The following DACH1 variants were observed in gnomAD, a reference collection of about 807,000 sequenced individuals.
DACH1 encodes dachshund family transcription factor 1, also known as dachshund homolog 1.
Under a neutral mutation model 54.2 loss-of-function variants are expected in DACH1, and 12 were observed. The ratio of observed to expected loss-of-function variants is 0.22; its 90% CI spans 0.14 to 0.36. The LOEUF is 0.36. Ranked by LOEUF, DACH1 falls within the 10% of genes least tolerant of loss-of-function variation. The pLI is 1.00. For missense variants in DACH1, 805 were observed against 929.8 expected (o/e 0.87, Z 1.75); for synonymous variants, 386 against 366.2 (o/e 1.05, Z -0.62).
At chr13:71,541,927 T>TG in intron 6 of DACH1, among the ~76,000 whole-genome samples, 1 of 95,604 alleles carries the variant, frequency 1.0e-5, no homozygotes, top group East Asian at 2.2e-4. Context: ...TTTGCCCAGT[T>TG]TTTTTTTTTT....
chr13:71,705,137 A>G lies in DACH1; in HGVS notation c.849-23227T>C, dbSNP rs1594117418. 3.9e-5 allele frequency among the ~76,000 whole-genome samples: 6 copies of G among 152,304 alleles called. 1 individual carries two copies. In the Middle Eastern group the frequency reaches 0.02, roughly 518 times the overall value. Reference sequence around the variant, plus strand: ...TTGTGTTTGGAGATAATGCTGTTCAAGATATAAGGTGTAGGACAGGACCAA... The same window carrying G: ...TTGTGTTTGGAGATAATGCTGTTCAGGATATAAGGTGTAGGACAGGACCAA... On this transcript the variant is annotated intron_variant, in intron 1 of 10. Transcript: ENST00000613252.
chr13:71,866,932 G>T lies in DACH1; in HGVS notation c.-163C>A. ...AAGGGAGAGAAGGGGGAGAAAAGGA[G>T]GTGAAGGTAATAAAGAGCGAGCGCA... On this transcript the variant is annotated 5_prime_UTR_variant, in exon 1 of 11. Transcript: ENST00000613252. 1 of 547,330 alleles carries T rather than the reference G, an allele frequency of 1.8e-6. No individual in the cohort carries two copies. The allele number at this position is 547,330 out of a possible 1,614,324, so 33.9% of individuals were successfully genotyped here. A position where few individuals can be genotyped will look rare whatever the true frequency, so the allele number is the denominator to read the frequency against.
intron 2 of DACH1, among the ~76,000 whole-genome samples, chr13:71,679,821 A>G (rs1355459015): frequency 6.6e-6 from 1 of 152,016 alleles, no homozygotes; most frequent in Admixed American, 6.5e-5. Flanking sequence ...CGTCTCTACT[A>G]AAATACAAAA....
intron 3 of DACH1, among the ~76,000 whole-genome samples, chr13:71,597,128 T>C (rs1476991154): frequency 6.6e-6 from 1 of 152,200 alleles, no homozygotes; most frequent in Non-Finnish European, 1.5e-5. Flanking sequence ...TAAGCTATGA[T>C]TTTTGTGATG....
At chr13:71,762,442 G>T (rs1885437770) in intron 1 of DACH1, among the ~76,000 whole-genome samples, 1 of 152,092 alleles carries the variant, frequency 6.6e-6, no homozygotes, top group Admixed American at 6.5e-5. Context: ...TGATGAATAT[G>T]ATGTAATAAA....
chr13:71,821,385 C>T (rs1054237914), intron 1 of DACH1, among the ~76,000 whole-genome samples: 6 of 102,622 alleles, frequency 5.8e-5, no homozygotes, highest in Non-Finnish European at 1.2e-4. Flanking sequence ...GTGGAGTGCA[C>T]GATCCTGAGG....
intron 3 of DACH1, among the ~76,000 whole-genome samples, chr13:71,594,943 A>C (rs898639491): frequency 2.0e-5 from 3 of 152,196 alleles, no homozygotes; most frequent in Admixed American, 2.0e-4. Flanking sequence ...TACTAGTTAA[A>C]ATACATGGCA....
chr13:71,651,673 T>C (rs530906322), intron 2 of DACH1, among the ~76,000 whole-genome samples: 193 of 136,850 alleles, frequency 1.4e-3, no homozygotes, highest in African/African-American at 5.8e-3. Flanking sequence ...TGTATCTGTA[T>C]CTGTATCTGT....
chr13:71,615,410 T>A (rs555847067), intron 3 of DACH1, among the ~76,000 whole-genome samples: 1 of 152,326 alleles, frequency 6.6e-6, no homozygotes, highest in African/African-American at 2.4e-5. Flanking sequence ...GTGCACTGAA[T>A]AAAGTAATGT....
intron 1 of DACH1, among the ~76,000 whole-genome samples, chr13:71,831,647 C>G (rs1888595108): frequency 6.6e-6 from 1 of 151,926 alleles, no homozygotes; most frequent in Non-Finnish European, 1.5e-5. Flanking sequence ...TTTTCTACCA[C>G]CATGCTACAT....
intron 1 of DACH1, among the ~76,000 whole-genome samples, chr13:71,807,194 T>C (rs1026664500): frequency 6.6e-6 from 1 of 152,286 alleles, no homozygotes; most frequent in Middle Eastern, 3.4e-3. Context: ...TATTAACAAC[T>C]GTCTATTAAA....
chr13:71,738,731 C>CAAAAAAAAAAAAA (rs34856567), intron 1 of DACH1, among the ~76,000 whole-genome samples: 5 of 24,070 alleles, frequency 2.1e-4, no homozygotes, highest in East Asian at 6.4e-4. Context: ...GACTCTGTCT[C>CAAAAAAAAAAAAA]AAAAAAAAAA....
chr13:71,634,806 G>C (rs1877353479), intron 2 of DACH1, among the ~76,000 whole-genome samples: 1 of 152,170 alleles, frequency 6.6e-6, no homozygotes, highest in South Asian at 2.1e-4. Flanking sequence ...AAATAGCTCA[G>C]CCCTAGCATC....
chr13:71,709,248 T>C (rs561667141), intron 1 of DACH1, among the ~76,000 whole-genome samples: 143 of 152,270 alleles, frequency 9.4e-4, no homozygotes, highest in Middle Eastern at 3.4e-3. Flanking sequence ...TATAAAATTT[T>C]CCCTTGATTA....
chr13:71,505,317 A>G (rs575369347), intron 6 of DACH1, among the ~76,000 whole-genome samples: 229 of 152,248 alleles, frequency 1.5e-3, no homozygotes, highest in Admixed American at 2.7e-3. Flanking sequence ...TCCTGGCCTC[A>G]TGATCCACCC....
chr13:71,494,773 G>GA (rs1271969467), intron 6 of DACH1, among the ~76,000 whole-genome samples: 14 of 151,760 alleles, frequency 9.2e-5, no homozygotes, highest in Admixed American at 5.3e-4. Context: ...CAGTCAATTA[G>GA]AATAATAGAA....
chr13:71,768,594 G>A (rs1176210035), intron 1 of DACH1, among the ~76,000 whole-genome samples: 1 of 151,924 alleles, frequency 6.6e-6, no homozygotes, highest in Non-Finnish European at 1.5e-5. Context: ...TGAGCACACT[G>A]TGAGCTTCAT....
chr13:71,783,204 AAGATAGCTGTATT>A (rs1240255014), intron 1 of DACH1, among the ~76,000 whole-genome samples: 1 of 152,204 alleles, frequency 6.6e-6, no homozygotes, highest in African/African-American at 2.4e-5. Context: ...TCAAAACCTA[AAGATAGCTGTATT>A]AGATCCATAG....
At chr13:71,646,665 TA>T (rs35798063) in intron 2 of DACH1, among the ~76,000 whole-genome samples, 1 of 152,186 alleles carries the variant, frequency 6.6e-6, no homozygotes, top group African/African-American at 2.4e-5. Flanking sequence ...TAAATATATC[TA>T]AAAAGTAATT....
Sources: gnomAD v4.1 joint callset for allele counts (sites outside exome capture counted in the v4.1 genomes callset) on GRCh38, gnomAD v4.1.1 for gene constraint, MANE v1.5 for transcripts, NCBI Gene and HGNC (gene_info 2026-07-23, HGNC 2026-07-21) for gene names.